Variants in FGF4 observed in about 807,000 individuals in gnomAD.
The protein encoded by FGF4 is fibroblast growth factor 4, also known as heparin secretory transforming protein 1.
FGF4 carries 9 observed loss-of-function variants against 15.7 expected under a neutral mutation model. That is an observed-to-expected ratio of 0.57 (90% CI 0.35 to 1.00). FGF4 has a LOEUF of 1.00. FGF4 is among the 50% of genes least tolerant of loss of function. The pLI, the probability that FGF4 is intolerant of heterozygous loss-of-function variation, is 0.02. For missense variants in FGF4, 286 were observed against 297.3 expected (o/e 0.96, Z 0.28); for synonymous variants, 164 against 144.8 (o/e 1.13, Z -0.95).
At position 69,774,788 on chromosome 11, in the gene FGF4, G is replaced by A. The variant is rs11600280; in HGVS notation, c.297C>T (p.Leu99=). ...GCGCGCCGCCGATGCGGCCGTCGGG[G>A]AGCGCCTGGAGGTGGAAGCCGATGC... ...NVGIGFHLQA[L]PDGRIGGAHA... Residue 99 remains leucine (L), a synonymous_variant, in exon 1 of 3, where the codon CTC becomes CTT. Coordinates refer to ENST00000168712, the MANE Select transcript of FGF4 (RefSeq NM_002007.4). 0.063 allele frequency: 96,122 copies of A among 1,520,024 alleles called. 3,500 individuals carry two copies. The highest frequency in any genetic ancestry group is 0.12 in the Middle Eastern group (598 of 5,106). The allele number at this position is 1,520,024 out of a possible 1,614,324, so 94.2% of individuals were successfully genotyped here. A position where few individuals can be genotyped will look rare whatever the true frequency, so the allele number is the denominator to read the frequency against.
rs1855581862 is a variant in FGF4 at position 69,772,360 on chromosome 11, A to G, written c.*949T>C. The G allele has an allele frequency of 6.6e-6, 1 of 152,246 alleles. No individual in the cohort carries two copies. Among genetic ancestry groups the G allele is most frequent in the African/African-American group, 2.4e-5 (1 of 41,480 alleles). 9.4% of individuals were successfully genotyped at this position (152,246 alleles called of 1,614,324 possible). ...TACAATTACAAGGACATTTCACCTA[A>G]AAATCGTAGCTAGTTCTAGCCCAAA... On this transcript the variant is annotated 3_prime_UTR_variant, in exon 3 of 3. Transcript: ENST00000168712.
At position 69,774,104 on chromosome 11, in the gene FGF4, C is replaced by T; in HGVS notation, c.364G>A (p.Glu122Lys). 1 of 1,612,612 alleles carries T rather than the reference C, an allele frequency of 6.2e-7. No individual in the cohort carries two copies. The highest frequency in any genetic ancestry group is 2.2e-5 in the East Asian group (1 of 44,864). ...RDSLLELSPVERGVVSIFGVA... is the reference protein window; with the variant it reads ...RDSLLELSPVKRGVVSIFGVA... ...CCGAAGATGCTCACCACGCCCCGCT[C>T]CACGGGCGAGAGCTCCAGCAGGCCT... Residue 122 changes from glutamate (E) to lysine (K), a missense_variant, in exon 2 of 3, where the codon GAG (glutamate) becomes AAG (lysine). Physicochemically the swap from Glu to Lys is moderately conservative, Grantham distance 56. Transcript: ENST00000168712.
chr11:69,772,030 G>A lies in FGF4; in HGVS notation c.*1279C>T, dbSNP rs983680694. ...TAAGGTTACTTGGTGACCATATAGT[G>A]TACTGTAACAGCTGTCTGCAAATAT... On this transcript the variant is annotated 3_prime_UTR_variant, in exon 3 of 3. Coordinates refer to ENST00000168712, the MANE Select transcript of FGF4 (RefSeq NM_002007.4). 6 of 152,166 alleles carry A rather than the reference G, an allele frequency of 3.9e-5. No homozygotes were observed. The highest frequency in any genetic ancestry group is 7.3e-5 in the Non-Finnish European group (5 of 68,028). 9.4% of individuals were successfully genotyped at this position (152,166 alleles called of 1,614,324 possible). A position where few individuals can be genotyped will look rare whatever the true frequency, so the allele number is the denominator to read the frequency against.
Position 69,775,039 on chromosome 11 carries a change from G to T in FGF4, c.46C>A (p.Leu16Met). ...TAAVALLPAV[L>M]LALLAPWAGR... ...GCCCAGGGCGCCAGCAAGGCCAGCA[G>T]GACCGCCGGGAGCAGCGCTACCGCG... Residue 16 changes from leucine (L) to methionine (M), a missense_variant, in exon 1 of 3, where the codon CTG (leucine) becomes ATG (methionine). Leu to Met is a conservative substitution (Grantham distance 15). Coordinates refer to ENST00000168712, the MANE Select transcript of FGF4 (RefSeq NM_002007.4). The T allele has an allele frequency of 7.1e-7, 1 of 1,409,542 alleles. No homozygotes were observed. Among genetic ancestry groups the T allele is most frequent in the Non-Finnish European group, 9.2e-7 (1 of 1,088,650 alleles). 87.3% of individuals were successfully genotyped at this position (1,409,542 alleles called of 1,614,324 possible). A position where few individuals can be genotyped will look rare whatever the true frequency, so the allele number is the denominator to read the frequency against.
In FGF4 at chr11:69,772,867, AGCC is replaced by A. The variant is rs1855588779; in HGVS notation, c.*439_*441del. The stretch of plus-strand genomic sequence containing the variant: ...AAGGGAGTGGGCCTCTGAGGATGCT[AGCC>A]GAGAGCCAAGCCTGGGAGCTCCCTG... On this transcript the variant is annotated 3_prime_UTR_variant, in exon 3 of 3. Coordinates refer to ENST00000168712, the MANE Select transcript of FGF4 (RefSeq NM_002007.4). 1 of 194,962 alleles carries A rather than the reference AGCC, an allele frequency of 5.1e-6. No individual in the cohort carries two copies. The highest frequency in any genetic ancestry group is 2.3e-5 in the African/African-American group (1 of 42,582). 12.1% of individuals were successfully genotyped at this position (194,962 alleles called of 1,614,324 possible).
rs1034799195 is a variant in FGF4, at chr11:69,774,717, C to T, written c.340+28G>A. ...CGGCGGCCGTTGCCCCCCGCCCCCG[C>T]CCCTTCGCGCCTGGCCGCGCCACTC... is the stretch of plus-strand genomic sequence containing the variant. On this transcript the variant is annotated intron_variant, in intron 1 of 2. Coordinates refer to ENST00000168712, the MANE Select transcript of FGF4 (RefSeq NM_002007.4). 2.8e-6 allele frequency: 4 copies of T among 1,403,778 alleles called. No individual in the cohort carries two copies. The African/African-American group carries it at 4.5e-5, about 16-fold the overall frequency. 87.0% of individuals were successfully genotyped at this position (1,403,778 alleles called of 1,614,324 possible).
chr11:69,775,069 T>C lies in FGF4; in HGVS notation c.16A>G (p.Thr6Ala), dbSNP rs2119834068. 7.5e-7 allele frequency: 1 copy of C among 1,340,856 alleles called. No individual in the cohort carries two copies. The highest frequency in any genetic ancestry group is 9.5e-7 in the Non-Finnish European group (1 of 1,056,104). 83.1% of individuals were successfully genotyped at this position (1,340,856 alleles called of 1,614,324 possible). A position where few individuals can be genotyped will look rare whatever the true frequency, so the allele number is the denominator to read the frequency against. The change falls in exon 1 of 3, where the codon ACG becomes GCG. Residue 6 changes from threonine (T) to alanine (A), a missense_variant. Transcript: ENST00000168712. MSGPG[T>A]AAVALLPAVL... ...GCCGGGAGCAGCGCTACCGCGGCCG[T>C]CCCGGGCCCCGACATCCCGGCCCGA...
rs1478357184 is a variant in FGF4, at chr11:69,774,063, G to A, written c.405C>T (p.Phe135=). Residue 135 remains phenylalanine, a synonymous_variant, in exon 2 of 3, where the codon TTC becomes TTT. Coordinates refer to ENST00000168712, the MANE Select transcript of FGF4 (RefSeq NM_002007.4). ...VVSIFGVASR[F]FVAMSSKGKL... ...TGCCCTTGCTGCTCATGGCCACGAA[G>A]AACCGGCTGGCCACGCCGAAGATGC... The A allele has an allele frequency of 6.2e-7, 1 of 1,613,192 alleles. No homozygotes were observed. The highest frequency in any genetic ancestry group is 8.5e-7 in the Non-Finnish European group (1 of 1,179,974).
chr11:69,773,956 G>T, intron 2 of FGF4, 68 bp downstream of exon 2: 1 of 1,326,686 alleles, frequency 7.5e-7, no homozygotes, highest in Non-Finnish European at 1.1e-6. Flanking sequence ...GGCTGGAGAA[G>T]CCACGAGCCT....
chr11:69,774,178 C>T (rs1446922671), intron 1 of FGF4, 51 bp from the exon 2 acceptor site: 2 of 1,441,778 alleles, frequency 1.4e-6, no homozygotes, highest in Non-Finnish European at 1.9e-6. Flanking sequence ...TGGCCCACTC[C>T]GCCCCTCGGC....
chr11:69,771,454 G>C lies in FGF4; in HGVS notation c.*1855C>G, dbSNP rs80187366. On this transcript the variant is annotated 3_prime_UTR_variant, in exon 3 of 3. Coordinates refer to ENST00000168712, the MANE Select transcript of FGF4 (RefSeq NM_002007.4). ...AAGTGAATACATTAAAATTCAGAAA[G>C]TCGACGGATGATCCCTCCACACCCC... is the stretch of plus-strand genomic sequence containing the variant. The C allele has an allele frequency of 0.045, 6,813 of 152,228 alleles. 176 individuals are homozygous for C. Among genetic ancestry groups the C allele is most frequent in the South Asian group, 0.11 (553 of 4,816 alleles). 9.4% of individuals were successfully genotyped at this position (152,228 alleles called of 1,614,324 possible).
chr11:69,774,167 C>T, intron 1 of FGF4, 40 bp from the exon 2 acceptor site: 1 of 1,505,394 alleles, frequency 6.6e-7, no homozygotes, highest in Non-Finnish European at 9.2e-7. Flanking sequence ...CAGGTGATCC[C>T]TGGCCCACTC....
intron 2 of FGF4, 77 bp from the exon 3 acceptor site, chr11:69,773,562 C>T: frequency 7.1e-7 from 1 of 1,405,114 alleles, no homozygotes. Context: ...GGGGTCAGAA[C>T]CCCCTTCTGT....
In FGF4 at chr11:69,775,099, C is replaced by T. The variant is rs764657478; in HGVS notation, c.-15G>A. 1.5e-6 allele frequency: 2 copies of T among 1,303,988 alleles called. No individual in the cohort carries two copies. The highest frequency in any genetic ancestry group is 4.2e-5 in the Admixed American group (1 of 23,632). 80.8% of individuals were successfully genotyped at this position (1,303,988 alleles called of 1,614,324 possible). A position where few individuals can be genotyped will look rare whatever the true frequency, so the allele number is the denominator to read the frequency against. On this transcript the variant is annotated 5_prime_UTR_variant, in exon 1 of 3. Transcript: ENST00000168712. ...GGCCCCGACATCCCGGCCCGAGGGC[C>T]GTGCGTCGGTCAGGCGGTCAGTGCG...
chr11:69,773,072 C>A lies in FGF4; in HGVS notation c.*237G>T. 2 of 463,848 alleles carry A rather than the reference C, an allele frequency of 4.3e-6. No homozygotes were observed. Among genetic ancestry groups the A allele is most frequent in the Non-Finnish European group, 7.7e-6 (2 of 261,342 alleles). The allele number at this position is 463,848 out of a possible 1,614,324, so 28.7% of individuals were successfully genotyped here. A position where few individuals can be genotyped will look rare whatever the true frequency, so the allele number is the denominator to read the frequency against. ...ATGGTAAGATTCTCCACTGTTGCACCAGAAAAGTCAGAGTTGGTTTTTTGT... is the reference window on the plus strand; with the variant it reads ...ATGGTAAGATTCTCCACTGTTGCACAAGAAAAGTCAGAGTTGGTTTTTTGT... On this transcript the variant is annotated 3_prime_UTR_variant, in exon 3 of 3. Transcript: ENST00000168712.
chr11:69,774,923 C>G lies in FGF4; in HGVS notation c.162G>C (p.Ser54=), dbSNP rs1295510546. ...ERRWESLVAL[S]LARLPVAAQP... is the part of the protein sequence containing the mutation. ...GCGCTGCCACCGGCAGGCGCGCCAA[C>G]GAGAGCGCCACCAGGCTCTCCCAGC... The change falls in exon 1 of 3, where the codon TCG becomes TCC. Residue 54 remains serine (S), a synonymous_variant. Transcript: ENST00000168712. 3 of 1,481,326 alleles carry G rather than the reference C, an allele frequency of 2.0e-6. No individual in the cohort carries two copies. Among genetic ancestry groups the G allele is most frequent in the Non-Finnish European group, 2.7e-6 (3 of 1,123,592 alleles). The allele number at this position is 1,481,326 out of a possible 1,614,324, so 91.8% of individuals were successfully genotyped here.
At chr11:69,774,333 C>T (rs1855612412) in intron 1 of FGF4, among the ~76,000 whole-genome samples, 1 of 152,222 alleles carries the variant, frequency 6.6e-6, no homozygotes, top group Non-Finnish European at 1.5e-5. Context: ...CTCAGATTAG[C>T]TTGCCTGTGT....
rs2119833937 is a variant in FGF4 at position 69,775,052 on chromosome 11, C to T, written c.33G>A (p.Leu11=). 3 of 1,382,070 alleles carry T rather than the reference C, an allele frequency of 2.2e-6. No homozygotes were observed. Among genetic ancestry groups the T allele is most frequent in the Non-Finnish European group, 2.8e-6 (3 of 1,076,708 alleles). 85.6% of individuals were successfully genotyped at this position (1,382,070 alleles called of 1,614,324 possible). ...GCAAGGCCAGCAGGACCGCCGGGAG[C>T]AGCGCTACCGCGGCCGTCCCGGGCC... is the stretch of plus-strand genomic sequence containing the variant. The part of the protein sequence containing the change: MSGPGTAAVA[L]LPAVLLALLA... The change falls in exon 1 of 3, where the codon CTG becomes CTA. Residue 11 remains leucine (L), a synonymous_variant. Coordinates refer to ENST00000168712, the MANE Select transcript of FGF4 (RefSeq NM_002007.4).
chr11:69,773,453 C>A lies in FGF4; in HGVS notation c.477G>T (p.Glu159Asp). 2.5e-6 allele frequency: 4 copies of A among 1,614,198 alleles called. No individual in the cohort carries two copies. The South Asian group carries it at 4.4e-5, about 18-fold the overall frequency. Residue 159 changes from glutamate (E) to aspartate (D), a missense_variant, in exon 3 of 3, where the codon GAG (glutamate) becomes GAT (aspartate). By Grantham distance (45) the Glu-to-Asp change is conservative (BLOSUM62 2). Coordinates refer to ENST00000168712, the MANE Select transcript of FGF4 (RefSeq NM_002007.4). Reference sequence around the variant, plus strand: ...CGTTGTAGTTGTTGGGAAGGAGAATCTCCTTGAACGTGCACTCATCGGTGA... The same window carrying A: ...CGTTGTAGTTGTTGGGAAGGAGAATATCCTTGAACGTGCACTCATCGGTGA... ...PFFTDECTFK[E>D]ILLPNNYNAY...
Sources: gnomAD v4.1 joint callset for allele counts (sites outside exome capture counted in the v4.1 genomes callset) on GRCh38, gnomAD v4.1.1 for gene constraint, MANE v1.5 for transcripts, NCBI Gene and HGNC (gene_info 2026-07-23, HGNC 2026-07-21) for gene names.